Variants in TMCO5A observed in about 807,000 individuals in gnomAD.
TMCO5A encodes the protein transmembrane and coiled-coil domains 5A.
A neutral mutation model predicts 42.3 loss-of-function variants in TMCO5A; 34 were observed. The observed-to-expected ratio is 0.80, with a 90% CI of 0.61 to 1.07. The LOEUF (loss-of-function observed/expected upper bound fraction) is 1.07. Among genes scored for constraint, TMCO5A ranks in the 50% least tolerant of loss-of-function variants. TMCO5A has a pLI of 0.00. For missense variants in TMCO5A, 357 were observed against 327.9 expected (o/e 1.09, Z -0.69); for synonymous variants, 131 against 115.6 (o/e 1.13, Z -0.86).
the TMCO5A span, among the ~76,000 whole-genome samples, chr15:37,986,872 G>T: frequency 1.8e-4 from 27 of 152,030 alleles, no homozygotes; most frequent in Non-Finnish European, 2.8e-4. Flanking sequence ...ATGAACATCG[G>T]GGTACAGATA....
the TMCO5A span, among the ~76,000 whole-genome samples, chr15:38,002,041 C>T: frequency 1.3e-5 from 2 of 152,096 alleles, no homozygotes; most frequent in African/African-American, 4.8e-5. Context: ...TTTCCTAATG[C>T]TCACTAATGT....
the TMCO5A span, among the ~76,000 whole-genome samples, chr15:38,026,885 G>A: frequency 5.9e-5 from 9 of 152,204 alleles, no homozygotes; most frequent in South Asian, 2.1e-4. Context: ...CAGCTTCCAC[G>A]TGGTGTTGAG....
chr15:37,957,695 C>CT (rs1410816604), intron 11 of TMCO5A, among the ~76,000 whole-genome samples: 3 of 152,120 alleles, frequency 2.0e-5, no homozygotes, highest in Non-Finnish European at 4.4e-5. Context: ...AGTGCTATCC[C>CT]TATCAAGCTA....
In TMCO5A at chr15:37,936,857, G is replaced by A. The variant is rs776389062; in HGVS notation, c.151G>A (p.Glu51Lys). ...REDKIQRLES[E>K]IIQTRGLVED... ...GCTTGTGTTGTCCAGGCTGGAAAGT[G>A]AGATCATTCAGACGCGGGGCCTGGT... Residue 51 changes from glutamate to lysine, a missense_variant, in exon 4 of 12, where the codon GAG becomes AAG. Physicochemically the swap from Glu to Lys is moderately conservative, Grantham distance 56 (BLOSUM62 1). Coordinates refer to ENST00000319669, the MANE Select transcript of TMCO5A (RefSeq NM_152453.4). 1 of 1,611,860 alleles carries A rather than the reference G, an allele frequency of 6.2e-7. No homozygotes were observed. The highest frequency in any genetic ancestry group is 8.5e-7 in the Non-Finnish European group (1 of 1,178,902).
chr15:38,008,331 C>T, the TMCO5A span, among the ~76,000 whole-genome samples: 1 of 152,092 alleles, frequency 6.6e-6, no homozygotes, highest in Non-Finnish European at 1.5e-5. Flanking sequence ...GACCGTGGTA[C>T]TCAGAGGGGA....
chr15:37,993,450 T>C, the TMCO5A span: 1 of 152,178 alleles, frequency 6.6e-6, no homozygotes, highest in African/African-American at 2.4e-5. Flanking sequence ...CACAGGTCTT[T>C]TGAGCCTGCA....
the TMCO5A span, among the ~76,000 whole-genome samples, chr15:38,000,823 T>C: frequency 6.6e-6 from 1 of 152,150 alleles, no homozygotes; most frequent in Non-Finnish European, 1.5e-5. Context: ...AACATTCCTC[T>C]TGTTATTGAT....
Position 37,942,183 on chromosome 15 carries a change from C to T in TMCO5A, c.505-8C>T. On this transcript the variant is annotated splice_region_variant and splice_polypyrimidine_tract_variant and intron_variant, in intron 8 of 11. Transcript: ENST00000319669. ...AGTAACTGTGGCTTTCTTTGTTTCT[C>T]TTTGAAGAAGTACCAGGAAACGTTG... The T allele has an allele frequency of 1.2e-6, 2 of 1,611,952 alleles. No homozygotes were observed. Among genetic ancestry groups the T allele is most frequent in the Non-Finnish European group, 1.7e-6 (2 of 1,178,868 alleles).
intron 6 of TMCO5A, among the ~76,000 whole-genome samples, chr15:37,938,984 T>C (rs1889631190): frequency 1.3e-5 from 2 of 152,112 alleles, no homozygotes; most frequent in African/African-American, 4.8e-5. Context: ...ACTTTATTTT[T>C]CTTCAGAGAG....
At chr15:38,004,011 G>C in the TMCO5A span, among the ~76,000 whole-genome samples, 2 of 151,996 alleles carry the variant, frequency 1.3e-5, no homozygotes, top group African/African-American at 4.8e-5. Flanking sequence ...AATGTGCTGG[G>C]TCACACATGA....
At chr15:38,012,672 G>A in the TMCO5A span, among the ~76,000 whole-genome samples, 1 of 152,112 alleles carries the variant, frequency 6.6e-6, no homozygotes, top group African/African-American at 2.4e-5. Context: ...GAACAAAAAT[G>A]ATATCTAAAA....
At chr15:37,984,888 G>A in the TMCO5A span, 3 of 151,790 alleles carry the variant, frequency 2.0e-5, no homozygotes, top group African/African-American at 4.8e-5. Flanking sequence ...TTTTGTTATA[G>A]CAGGAGAAAT....
At chr15:38,014,417 A>C in the TMCO5A span, among the ~76,000 whole-genome samples, 1 of 152,310 alleles carries the variant, frequency 6.6e-6, no homozygotes, top group South Asian at 2.1e-4. Context: ...AATTTCAAGA[A>C]AATTTTGTTT....
chr15:37,982,441 CAAATATATATAACACCTATTATATAATA>C, the TMCO5A span, among the ~76,000 whole-genome samples: 1 of 74,032 alleles, frequency 1.4e-5, no homozygotes, highest in African/African-American at 1.3e-4. Flanking sequence ...CAATTATATA[CAAATATATATAACACCTATTATATAATA>C]GATATTTTAT....
At chr15:37,984,146 G>A in the TMCO5A span, among the ~76,000 whole-genome samples, 1 of 152,290 alleles carries the variant, frequency 6.6e-6, no homozygotes, top group African/African-American at 2.4e-5. Flanking sequence ...AAAAAGTAAG[G>A]GGGGCAGGGT....
At chr15:37,955,325 C>T (rs2140803311), downstream of TMCO5A, among the ~76,000 whole-genome samples, 2 of 140,544 alleles carry the variant, frequency 1.4e-5, no homozygotes. Flanking sequence ...AGACCAATAA[C>T]AAGTAATGAG....
Position 37,951,280 on chromosome 15 carries a change from A to C in TMCO5A, c.*46A>C. Reference sequence around the variant, plus strand: ...AGCAATAGAAGGGAAGTGGGATCCGAGCCTGTAGAAGGGAGGCATGAAACT... The same window carrying C: ...AGCAATAGAAGGGAAGTGGGATCCGCGCCTGTAGAAGGGAGGCATGAAACT... On this transcript the variant is annotated 3_prime_UTR_variant, in exon 12 of 12. Transcript: ENST00000319669. 6.4e-7 allele frequency: 1 copy of C among 1,571,224 alleles called. No homozygotes were observed. The highest frequency in any genetic ancestry group is 8.7e-7 in the Non-Finnish European group (1 of 1,145,742).
chr15:38,014,643 T>C, the TMCO5A span, among the ~76,000 whole-genome samples: 4 of 151,984 alleles, frequency 2.6e-5, 1 homozygote, highest in African/African-American at 9.7e-5. Flanking sequence ...ACACATGTTC[T>C]ACCCCCGCAA....
chr15:37,961,916 T>C (rs1203010167), intron 11 of TMCO5A, among the ~76,000 whole-genome samples: 1 of 152,144 alleles, frequency 6.6e-6, no homozygotes, highest in Non-Finnish European at 1.5e-5. Context: ...TGAATTCTTC[T>C]ATCAGTTCTA....
Sources: allele counts gnomAD v4.1 joint callset (sites outside exome capture counted in the v4.1 genomes callset), GRCh38; gene constraint gnomAD v4.1.1; transcripts MANE v1.5; gene names NCBI Gene and HGNC (gene_info 2026-07-23, HGNC 2026-07-21).